The following SLC25A18 variants were observed in gnomAD, a reference collection of about 807,000 sequenced individuals.
SLC25A18 encodes mitochondrial glutamate carrier 2.
A neutral mutation model predicts 31.1 loss-of-function variants in SLC25A18; 24 were observed. The observed-to-expected ratio is 0.77, with a 90% CI of 0.56 to 1.08. The LOEUF (loss-of-function observed/expected upper bound fraction) is 1.08. Ranked by LOEUF, SLC25A18 falls within the 50% of genes least tolerant of loss-of-function variation. The probability of loss-of-function intolerance (pLI) is 0.00; values close to 1 mark genes in which losing one functional copy is unlikely to be tolerated. For synonymous variants in SLC25A18, 173 were observed against 161.9 expected (o/e 1.07, Z -0.52); for missense variants, 371 against 418.5 (o/e 0.89, Z 0.99).
chr22:17,589,945 C>A, intron 10 of SLC25A18, 150 bp from the exon 11 acceptor site: 1 of 1,136,722 alleles, frequency 8.8e-7, no homozygotes, highest in Non-Finnish European at 1.2e-6. Context: ...ACCTAGCGGG[C>A]GAGGCACAGC....
intron 2 of SLC25A18, among the ~76,000 whole-genome samples, chr22:17,575,532 A>T (rs1382302084): frequency 6.6e-6 from 1 of 152,164 alleles, no homozygotes; most frequent in Non-Finnish European, 1.5e-5. Context: ...TGTTACAGGT[A>T]AAATGCCCCT....
rs750562858 is a variant in SLC25A18 at position 17,589,680 on chromosome 22, C to A, written c.806+15C>A. The A allele has an allele frequency of 3.1e-6, 5 of 1,613,262 alleles. No homozygotes were observed. The South Asian group carries it at 5.5e-5, about 18-fold the overall frequency. On this transcript the variant is annotated intron_variant, in intron 10 of 10. Transcript: ENST00000327451. The stretch of plus-strand genomic sequence containing the variant: ...GACTGTGCCAGGTGAGAGCCAGTGT[C>A]CCCTCAAATGGTGGCTGGGACAGGT...
rs764506667 is a variant in SLC25A18, at chr22:17,589,666, G to A, written c.806+1G>A. 1 of 1,614,048 alleles carries A rather than the reference G, an allele frequency of 6.2e-7. No individual in the cohort carries two copies. The highest frequency in any genetic ancestry group is 1.1e-5 in the South Asian group (1 of 91,082). On this transcript the variant is annotated splice_donor_variant, in intron 10 of 10. Coordinates refer to ENST00000327451, the MANE Select transcript of SLC25A18 (RefSeq NM_031481.3). LOFTEE classifies it high-confidence loss of function. ...ACAGTGGGATCACCGACTGTGCCAG[G>A]TGAGAGCCAGTGTCCCCTCAAATGG...
intron 2 of SLC25A18, among the ~76,000 whole-genome samples, chr22:17,571,118 T>C (rs2057076021): frequency 6.6e-6 from 1 of 152,208 alleles, no homozygotes; most frequent in African/African-American, 2.4e-5. Context: ...GGGCAGGTTG[T>C]GCGGGAGTGG....
At chr22:17,576,693 T>G (rs1315342855) in intron 2 of SLC25A18, among the ~76,000 whole-genome samples, 3 of 152,214 alleles carry the variant, frequency 2.0e-5, no homozygotes, top group Non-Finnish European at 4.4e-5. Context: ...TCATAGGCTT[T>G]GATTAGCATA....
At chr22:17,564,776 G>A (rs1216438538) in intron 1 of SLC25A18, among the ~76,000 whole-genome samples, 1 of 147,178 alleles carries the variant, frequency 6.8e-6, no homozygotes, top group Non-Finnish European at 1.5e-5. Flanking sequence ...AAACTCACTT[G>A]AACCTGGGAG....
intron 7 of SLC25A18, among the ~76,000 whole-genome samples, chr22:17,585,647 A>ATTTTTTT (rs1449640998): frequency 7.2e-6 from 1 of 138,392 alleles, no homozygotes; most frequent in African/African-American, 2.9e-5. Context: ...TATTATTATT[A>ATTTTTTT]TTATTTTTTT....
rs1374464067 is a variant in SLC25A18 at position 17,573,801 on chromosome 22, T to C, written c.-201+3815T>C. Reference sequence around the variant, plus strand: ...AGTTCTCTCCCAGTAACCCTTGTTCTCTACCCCTTCTCCCTAATCCCTCCC... The same window carrying C: ...AGTTCTCTCCCAGTAACCCTTGTTCCCTACCCCTTCTCCCTAATCCCTCCC... On this transcript the variant is annotated intron_variant, in intron 2 of 10. Coordinates refer to ENST00000327451, the MANE Select transcript of SLC25A18 (RefSeq NM_031481.3). Among the ~76,000 whole-genome samples the C allele has an allele frequency of 1.3e-5, 2 of 152,206 alleles. 1 individual carries two copies. The highest frequency in any genetic ancestry group is 3.8e-4 in the East Asian group (2 of 5,196).
intron 2 of SLC25A18, chr22:17,570,446 C>G (rs76677056): frequency 0.021 from 3,138 of 152,368 alleles, 119 homozygotes; most frequent in African/African-American, 0.073. Flanking sequence ...TTTGAGGATG[C>G]TTACTGGATG....
chr22:17,590,103 G>A lies in SLC25A18; in HGVS notation c.815G>A (p.Trp272Ter). The A allele has an allele frequency of 8.7e-6, 14 of 1,614,128 alleles. No individual in the cohort carries two copies. Among genetic ancestry groups the A allele is most frequent in the Non-Finnish European group, 1.2e-5 (14 of 1,180,040 alleles). ...CTCTTCTTTCTCCCCAGGAAACTCT[G>A]GATTCAGGAGGGACCATCTGCCTTC... ...SGITDCARKLWIQEGPSAFMK... is the reference protein window; with the variant it reads ...SGITDCARKL Residue 272 changes from tryptophan to a stop codon, truncating the protein, a stop_gained, in exon 11 of 11, where the codon TGG becomes TAG. Transcript: ENST00000327451. LOFTEE classifies it high-confidence loss of function.
intron 1 of SLC25A18, 78 bp downstream of exon 1, chr22:17,563,791 C>T: frequency 1.2e-6 from 1 of 829,694 alleles, no homozygotes; most frequent in African/African-American, 1.8e-5. Context: ...GAAAAATAGC[C>T]TCATCTGCTC....
chr22:17,588,190 G>A lies in SLC25A18; in HGVS notation c.730+111G>A, dbSNP rs8141183. ...ACTGGGTTGCAATCTGGCTGCTGGC[G>A]GAGGCTCACTAGAGGCCCTCATGGA... On this transcript the variant is annotated intron_variant, in intron 9 of 10. Coordinates refer to ENST00000327451, the MANE Select transcript of SLC25A18 (RefSeq NM_031481.3). 0.016 allele frequency: 20,472 copies of A among 1,317,936 alleles called. 2,402 individuals carry two copies. In the African/African-American group the frequency reaches 0.26, roughly 17 times the overall value. The allele number at this position is 1,317,936 out of a possible 1,614,324, so 81.6% of individuals were successfully genotyped here. A position where few individuals can be genotyped will look rare whatever the true frequency, so the allele number is the denominator to read the frequency against.
rs961044487 is a variant in SLC25A18 at position 17,574,149 on chromosome 22, G to A, written c.-201+4163G>A. 7.2e-5 allele frequency among the ~76,000 whole-genome samples: 11 copies of A among 152,174 alleles called. No homozygotes were observed. In the East Asian group the frequency reaches 9.6e-4, roughly 13 times the overall value. On this transcript the variant is annotated intron_variant, in intron 2 of 10. Coordinates refer to ENST00000327451, the MANE Select transcript of SLC25A18 (RefSeq NM_031481.3). The stretch of plus-strand genomic sequence containing the variant: ...CTTGGGAGGCTGAGGTGGGAGGATC[G>A]CTTGAGCCTGGGAAGCAGAGGTTGC...
chr22:17,580,559 C>T (rs983794048), intron 3 of SLC25A18: 1 of 990,062 alleles, frequency 1.0e-6, no homozygotes, highest in South Asian at 4.7e-5. Context: ...CATTCCCCCC[C>T]AGGCACGGTT....
At chr22:17,586,163 C>T (rs1042774659) in intron 7 of SLC25A18, among the ~76,000 whole-genome samples, 6 of 152,148 alleles carry the variant, frequency 3.9e-5, no homozygotes, top group East Asian at 1.9e-4. Context: ...TTTTAGGACA[C>T]GGGAATTTCA....
At chr22:17,569,483 T>G (rs558865163) in intron 1 of SLC25A18, 84 of 390,318 alleles carry the variant, frequency 2.2e-4, no homozygotes, top group Middle Eastern at 1.3e-3. Context: ...TAGCCGGTTA[T>G]CAGCAGTAAG....
At chr22:17,565,526 G>A (rs546021271) in intron 1 of SLC25A18, among the ~76,000 whole-genome samples, 3 of 152,094 alleles carry the variant, frequency 2.0e-5, no homozygotes, top group African/African-American at 4.8e-5. Flanking sequence ...GACACACACC[G>A]CAGCGCCTGG....
chr22:17,583,568 A>G (rs1290330914), intron 7 of SLC25A18, 34 bp downstream of exon 7: 1 of 1,607,552 alleles, frequency 6.2e-7, no homozygotes, highest in Admixed American at 1.7e-5. Context: ...TGGGAACAGT[A>G]AAGGGCTGGG....
At position 17,579,962 on chromosome 22, in the gene SLC25A18, G is replaced by A. The variant is rs1363050689; in HGVS notation, c.18G>A (p.Leu6=). MTHQD[L]SITAKLINGG... The stretch of plus-strand genomic sequence containing the variant: ...CCTGCAGAATGACCCACCAGGATCT[G>A]AGGTGAGCTCGGCTGGGGCAGCCTG... The change falls in exon 3 of 11, where the codon CTG becomes CTA. Residue 6 remains leucine (L), a splice_region_variant and synonymous_variant. Coordinates refer to ENST00000327451, the MANE Select transcript of SLC25A18 (RefSeq NM_031481.3). The A allele has an allele frequency of 6.2e-7, 1 of 1,610,876 alleles. No individual in the cohort carries two copies. Among genetic ancestry groups the A allele is most frequent in the Non-Finnish European group, 8.5e-7 (1 of 1,179,088 alleles).
Sources: gnomAD v4.1 joint callset for allele counts (sites outside exome capture counted in the v4.1 genomes callset) on GRCh38, gnomAD v4.1.1 for gene constraint, MANE v1.5 for transcripts, NCBI Gene and HGNC (gene_info 2026-07-23, HGNC 2026-07-21) for gene names.